The following RAB38 variants were observed in gnomAD, a reference collection of about 807,000 sequenced individuals.
RAB38 encodes the protein ras-related protein Rab-38.
A neutral mutation model predicts 18.4 loss-of-function variants in RAB38; 15 were observed. The observed-to-expected ratio is 0.82, with a 90% CI of 0.55 to 1.26. RAB38 has a LOEUF of 1.26. Ranked by LOEUF, RAB38 falls within the 50% of genes most tolerant of loss-of-function variation. The probability of loss-of-function intolerance (pLI) is 0.00; values close to 1 mark genes in which losing one functional copy is unlikely to be tolerated. For missense variants in RAB38, 294 were observed against 267.4 expected (o/e 1.10, Z -0.69); for synonymous variants, 101 against 104.4 (o/e 0.97, Z 0.20).
At chr11:88,056,832 A>ATACATAC in the RAB38 span, among the ~76,000 whole-genome samples, 9 of 45,506 alleles carry the variant, frequency 2.0e-4, no homozygotes, top group African/African-American at 3.2e-4. Context: ...TAAATAAATA[A>ATACATAC]ATACATACAT....
At chr11:88,142,449 C>T (rs1158819725) in intron 2 of RAB38, among the ~76,000 whole-genome samples, 1 of 152,220 alleles carries the variant, frequency 6.6e-6, no homozygotes, top group African/African-American at 2.4e-5. Flanking sequence ...GCATCCTATG[C>T]ACTGAAGCAT....
At chr11:88,122,806 C>T (rs1348408033) in intron 2 of RAB38, among the ~76,000 whole-genome samples, 1 of 152,124 alleles carries the variant, frequency 6.6e-6, no homozygotes, top group African/African-American at 2.4e-5. Flanking sequence ...TAATTAAATG[C>T]TTTTATTCTG....
the RAB38 span, among the ~76,000 whole-genome samples, chr11:88,056,837 ATACATAC>A: frequency 6.4e-3 from 279 of 43,726 alleles, 3 homozygotes; most frequent in African/African-American, 0.012. Context: ...AAATAAATAC[ATACATAC>A]ATACATACAT....
the RAB38 span, among the ~76,000 whole-genome samples, chr11:87,807,099 A>G: frequency 6.6e-6 from 1 of 152,172 alleles, no homozygotes; most frequent in South Asian, 2.1e-4. Flanking sequence ...CAAGAGATCT[A>G]GACTGCATAG....
At chr11:87,884,854 T>C in the RAB38 span, among the ~76,000 whole-genome samples, 1 of 151,924 alleles carries the variant, frequency 6.6e-6, no homozygotes, top group Admixed American at 6.6e-5. Context: ...ATCAAGAATC[T>C]ACAGTTCGGC....
At chr11:87,879,601 C>T in the RAB38 span, 3 of 151,664 alleles carry the variant, frequency 2.0e-5, no homozygotes, top group Admixed American at 1.3e-4. Context: ...TCTGTGTGCT[C>T]GTGGAGCAAC....
intron 1 of RAB38, among the ~76,000 whole-genome samples, chr11:88,155,620 A>G (rs1311878618): frequency 6.6e-6 from 1 of 152,246 alleles, no homozygotes; most frequent in East Asian, 1.9e-4. Context: ...AAATCCTGAT[A>G]CTATGAAAAA....
chr11:87,889,444 C>G, the RAB38 span, among the ~76,000 whole-genome samples: 1 of 151,910 alleles, frequency 6.6e-6, no homozygotes, highest in East Asian at 2.0e-4. Flanking sequence ...AACTTGTTGG[C>G]TGGACTACTT....
At chr11:88,123,938 C>A (rs1018532774) in intron 2 of RAB38, among the ~76,000 whole-genome samples, 1 of 152,178 alleles carries the variant, frequency 6.6e-6, no homozygotes, top group Admixed American at 6.5e-5. Flanking sequence ...CTCTCCCAAA[C>A]TAGAGAGTTA....
At chr11:87,854,838 A>C in the RAB38 span, among the ~76,000 whole-genome samples, 1 of 152,272 alleles carries the variant, frequency 6.6e-6, no homozygotes, top group Middle Eastern at 3.4e-3. Context: ...TCTGTGGCCC[A>C]GGCTGGAGTG....
chr11:87,931,196 G>A, the RAB38 span, among the ~76,000 whole-genome samples: 1 of 152,110 alleles, frequency 6.6e-6, no homozygotes, highest in African/African-American at 2.4e-5. Context: ...CTACCCATGA[G>A]CATGGAATGT....
the RAB38 span, among the ~76,000 whole-genome samples, chr11:87,865,904 A>C: frequency 6.6e-6 from 1 of 151,764 alleles, no homozygotes; most frequent in Admixed American, 6.6e-5. Context: ...ATGGCCCCTA[A>C]TCTTTATCTT....
the RAB38 span, among the ~76,000 whole-genome samples, chr11:88,026,085 C>G: frequency 1.3e-5 from 2 of 152,028 alleles, no homozygotes; most frequent in Non-Finnish European, 2.9e-5. Flanking sequence ...CTGCCTCAGC[C>G]TCCTGAGTAG....
chr11:88,010,518 A>G, the RAB38 span, among the ~76,000 whole-genome samples: 4 of 152,160 alleles, frequency 2.6e-5, no homozygotes, highest in Non-Finnish European at 4.4e-5. Context: ...ATTTTTTCCC[A>G]TAAAATCCAG....
the RAB38 span, among the ~76,000 whole-genome samples, chr11:87,967,766 A>G: frequency 3.9e-4 from 59 of 152,296 alleles, no homozygotes; most frequent in Non-Finnish European, 5.7e-4. Context: ...AAAATGAGTG[A>G]GCTCATCTCA....
chr11:88,156,837 G>A (rs1485104442), intron 1 of RAB38, among the ~76,000 whole-genome samples: 1 of 152,176 alleles, frequency 6.6e-6, no homozygotes, highest in African/African-American at 2.4e-5. Flanking sequence ...CTTTATGGGA[G>A]TTCTAAATAT....
At chr11:88,030,831 C>G in the RAB38 span, among the ~76,000 whole-genome samples, 1 of 152,086 alleles carries the variant, frequency 6.6e-6, no homozygotes, top group South Asian at 2.1e-4. Context: ...CCTTCTGAAA[C>G]TATTCCAATC....
At chr11:88,043,959 C>CG in the RAB38 span, among the ~76,000 whole-genome samples, 2 of 152,112 alleles carry the variant, frequency 1.3e-5, no homozygotes, top group East Asian at 3.9e-4. Context: ...AGTAAGCAAC[C>CG]TTTTTTTTAC....
the RAB38 span, among the ~76,000 whole-genome samples, chr11:87,905,257 C>T: frequency 6.6e-6 from 1 of 150,692 alleles, no homozygotes; most frequent in African/African-American, 2.4e-5. Context: ...GTATCTTTTC[C>T]CTCCTTATGT....
Sources: gnomAD v4.1 joint callset for allele counts (sites outside exome capture counted in the v4.1 genomes callset) on GRCh38, gnomAD v4.1.1 for gene constraint, MANE v1.5 for transcripts, NCBI Gene and HGNC (gene_info 2026-07-23, HGNC 2026-07-21) for gene names.